Variants in QKI observed in about 807,000 individuals in gnomAD.
QKI encodes the protein KH domain-containing RNA-binding protein QKI.
QKI carries 10 observed loss-of-function variants against 39.0 expected under a neutral mutation model. The ratio of observed to expected loss-of-function variants is 0.26; its 90% confidence interval spans 0.16 to 0.43. QKI has a LOEUF of 0.43. Ranked by LOEUF, QKI falls within the 20% of genes least tolerant of loss-of-function variation. QKI has a pLI of 1.00. For missense variants in QKI, 218 were observed against 428.0 expected, an observed-to-expected ratio of 0.51 and a Z score of 4.33; for synonymous variants, 204 against 155.4, an observed-to-expected ratio of 1.31 and a Z score of -2.33.
intron 1 of QKI, among the ~76,000 whole-genome samples, chr6:163,452,159 C>G (rs1377846509): frequency 6.6e-6 from 1 of 152,150 alleles, no homozygotes; most frequent in Non-Finnish European, 1.5e-5. Flanking sequence ...GAACTGGAAT[C>G]AGAACTTGCT....
At chr6:163,433,415 T>C (rs1194473432) in intron 1 of QKI, among the ~76,000 whole-genome samples, 1 of 152,172 alleles carries the variant, frequency 6.6e-6, no homozygotes, top group African/African-American at 2.4e-5. Flanking sequence ...GTTACTATTA[T>C]TAAATAACAG....
chr6:163,558,550 C>T (rs2128249023), intron 4 of QKI, among the ~76,000 whole-genome samples: 1 of 152,216 alleles, frequency 6.6e-6, no homozygotes, highest in South Asian at 2.1e-4. Flanking sequence ...CAGGCACCTG[C>T]CACCACGCCC....
chr6:163,535,228 A>G, intron 4 of QKI, 103 bp downstream of exon 4: 1 of 1,198,444 alleles, frequency 8.3e-7, no homozygotes, highest in Non-Finnish European at 1.1e-6. Context: ...TGGTTGTTAG[A>G]AATTTTATTT....
chr6:163,478,148 G>T (rs1792773576), intron 2 of QKI, among the ~76,000 whole-genome samples: 1 of 151,746 alleles, frequency 6.6e-6, no homozygotes, highest in African/African-American at 2.4e-5. Flanking sequence ...TTTTTTTATT[G>T]TACAGTTTTT....
chr6:163,472,108 A>T (rs184329930), intron 2 of QKI, among the ~76,000 whole-genome samples: 23 of 152,262 alleles, frequency 1.5e-4, no homozygotes, highest in African/African-American at 4.8e-4. Context: ...ACTACCTCCA[A>T]ACGTAACTAC....
chr6:163,570,221 A>G, intron 7 of QKI: 2 of 982,532 alleles, frequency 2.0e-6, no homozygotes, highest in Non-Finnish European at 1.2e-6. Context: ...ATTTCTGTTA[A>G]TCATCAGTTA....
intron 1 of QKI, among the ~76,000 whole-genome samples, chr6:163,453,513 G>A (rs552658715): frequency 6.6e-6 from 1 of 152,194 alleles, no homozygotes; most frequent in South Asian, 2.1e-4. Flanking sequence ...TTAATTACTT[G>A]CTGTAATTAT....
intron 7 of QKI, chr6:163,569,391 C>T: frequency 7.9e-7 from 1 of 1,259,390 alleles, no homozygotes; most frequent in South Asian, 1.3e-5. Flanking sequence ...GGCACAGAAT[C>T]TAACTTTGCA....
At chr6:163,489,677 A>G (rs1232745482) in intron 3 of QKI, among the ~76,000 whole-genome samples, 1 of 152,150 alleles carries the variant, frequency 6.6e-6, no homozygotes, top group African/African-American at 2.4e-5. Flanking sequence ...AAGTGGAAAT[A>G]TGCTTTGATT....
chr6:163,517,733 A>G (rs1220950987), intron 3 of QKI, among the ~76,000 whole-genome samples: 3 of 152,198 alleles, frequency 2.0e-5, no homozygotes, highest in East Asian at 3.8e-4. Context: ...TGGAAACTCT[A>G]GTTCAGCCTA....
At position 163,556,262 on chromosome 6, in the gene QKI, C is replaced by T. The variant is rs970242676; in HGVS notation, c.547-5720C>T. Among the ~76,000 whole-genome samples the T allele has an allele frequency of 6.6e-5, 10 of 152,118 alleles. No homozygotes were observed. In the East Asian group the frequency reaches 1.9e-3, roughly 29 times the overall value. ...GCACAGTGGCTCACGCCTGTAGTCC[C>T]AGCACTTTGGGAGGCCGAGGCGGGT... is the stretch of plus-strand genomic sequence containing the variant. On this transcript the variant is annotated intron_variant, in intron 4 of 7. Transcript: ENST00000361752.
intron 3 of QKI, among the ~76,000 whole-genome samples, chr6:163,527,167 A>G (rs1780568995): frequency 6.6e-6 from 1 of 152,138 alleles, no homozygotes; most frequent in Non-Finnish European, 1.5e-5. Context: ...ATTTGCTTTG[A>G]AAGTGTAGTT....
Position 163,563,706 on chromosome 6 carries a change from T to C in QKI, c.921T>C (p.Pro307=). The C allele has an allele frequency of 6.2e-7, 1 of 1,613,730 alleles. No individual in the cohort carries two copies. The highest frequency in any genetic ancestry group is 8.5e-7 in the Non-Finnish European group (1 of 1,179,686). ...ATSILEYPIE[P]SGVLGAVATK... ...CAATCCTTGAGTATCCTATTGAACC[T>C]AGTGGTGTATTAGGTAAGTTCTTCT... The change falls in exon 6 of 8, where the codon CCT becomes CCC. Residue 307 remains proline (P), a synonymous_variant. Transcript: ENST00000361752.
rs1777654482 is a variant in QKI at position 163,577,641 on chromosome 6, T to C, written c.*6931T>C. The C allele has an allele frequency of 6.6e-6, 1 of 152,506 alleles. No homozygotes were observed. Among genetic ancestry groups the C allele is most frequent in the Admixed American group, 6.5e-5 (1 of 15,276 alleles). 9.4% of individuals were successfully genotyped at this position (152,506 alleles called of 1,614,324 possible). On this transcript the variant is annotated 3_prime_UTR_variant, in exon 8 of 8. Transcript: ENST00000361752. ...GGCTGTTGATTTTCTTACTCTTCTC[T>C]TGCTTTAATCCTTCCCCCCGGCTCT...
At chr6:163,542,523 G>C (rs577603058) in intron 4 of QKI, among the ~76,000 whole-genome samples, 16 of 152,030 alleles carry the variant, frequency 1.1e-4, no homozygotes, top group African/African-American at 3.6e-4. Context: ...TGGGGAGATA[G>C]AGTACTAAGC....
At chr6:163,560,711 AT>A (rs1339062101) in intron 4 of QKI, among the ~76,000 whole-genome samples, 1 of 152,200 alleles carries the variant, frequency 6.6e-6, no homozygotes, top group Non-Finnish European at 1.5e-5. Flanking sequence ...AGTTTTTTAT[AT>A]TTTTAGATAG....
chr6:163,563,670 A>G lies in QKI; in HGVS notation c.885A>G (p.Ala295=), dbSNP rs1236017619. 4 of 1,614,152 alleles carry G rather than the reference A, an allele frequency of 2.5e-6. No individual in the cohort carries two copies. In the Admixed American group the frequency reaches 6.7e-5, roughly 27 times the overall value. ...YTPYEYPYTL[A]PATSILEYPI... ...CCTATGAGTACCCCTACACATTGGC[A>G]CCAGCTACATCAATCCTTGAGTATC... is the stretch of plus-strand genomic sequence containing the variant. The change falls in exon 6 of 8, where the codon GCA becomes GCG. Residue 295 remains alanine, a synonymous_variant. Coordinates refer to ENST00000361752, the MANE Select transcript of QKI (RefSeq NM_006775.3).
In QKI at chr6:163,572,157, A is replaced by G. The variant is rs972101570; in HGVS notation, c.*1447A>G. On this transcript the variant is annotated 3_prime_UTR_variant, in exon 8 of 8. Coordinates refer to ENST00000361752, the MANE Select transcript of QKI (RefSeq NM_006775.3). ...ATACTTTTGGTTATTCCAATCTTCA[A>G]TGTTAACCCAAAGGATTCTGAGATA... is the stretch of plus-strand genomic sequence containing the variant. The G allele has an allele frequency of 9.8e-5, 15 of 152,318 alleles. No individual in the cohort carries two copies. Among genetic ancestry groups the G allele is most frequent in the East Asian group, 3.9e-4 (2 of 5,188 alleles). The allele number at this position is 152,318 out of a possible 1,614,324, so 9.4% of individuals were successfully genotyped here. A position where few individuals can be genotyped will look rare whatever the true frequency, so the allele number is the denominator to read the frequency against.
At chr6:163,549,311 G>C (rs1200886163) in intron 4 of QKI, among the ~76,000 whole-genome samples, 1 of 152,114 alleles carries the variant, frequency 6.6e-6, no homozygotes, top group African/African-American at 2.4e-5. Flanking sequence ...GACAGGAAAG[G>C]GTAGGAAAAG....
Sources: gnomAD v4.1 joint callset for allele counts (sites outside exome capture counted in the v4.1 genomes callset) on GRCh38, gnomAD v4.1.1 for gene constraint, MANE v1.5 for transcripts, NCBI Gene and HGNC (gene_info 2026-07-23, HGNC 2026-07-21) for gene names.